Variants in DENND5A observed in about 807,000 individuals in gnomAD.
DENND5A encodes DENN domain-containing protein 5A.
DENND5A carries 64 observed loss-of-function variants against 140.3 expected under a neutral mutation model. That is an observed-to-expected ratio of 0.46 (90% CI 0.37 to 0.56). DENND5A has a LOEUF of 0.56. Among genes scored for constraint, DENND5A ranks in the 20% least tolerant of loss-of-function variants. DENND5A has a pLI of 0.00. For synonymous variants in DENND5A, 605 were observed against 607.7 expected, an observed-to-expected ratio of 1.00 and a Z score of 0.07; for missense variants, 1,292 against 1,593.8, an observed-to-expected ratio of 0.81 and a Z score of 3.22.
intron 1 of DENND5A, among the ~76,000 whole-genome samples, chr11:9,253,657 T>C (rs992270088): frequency 1.3e-5 from 2 of 151,724 alleles, no homozygotes; most frequent in Non-Finnish European, 2.9e-5. Context: ...AATCCCAGCA[T>C]TTTGGGAGGC....
At chr11:9,220,892 CA>C (rs1238489253) in intron 1 of DENND5A, among the ~76,000 whole-genome samples, 31 of 138,656 alleles carry the variant, frequency 2.2e-4, no homozygotes, top group Admixed American at 4.3e-4. Flanking sequence ...GACTCTGTCT[CA>C]AAAAAAAAAA....
At chr11:9,190,790 T>C (rs1054612460) in intron 5 of DENND5A, among the ~76,000 whole-genome samples, 2 of 152,172 alleles carry the variant, frequency 1.3e-5, no homozygotes, top group Non-Finnish European at 2.9e-5. Flanking sequence ...TTTAATTTTA[T>C]TGTTTATGCT....
rs539831522 is a variant in DENND5A at position 9,262,882 on chromosome 11, C to T, written c.109+2079G>A. On this transcript the variant is annotated intron_variant, in intron 1 of 22. Coordinates refer to ENST00000328194, the MANE Select transcript of DENND5A (RefSeq NM_015213.4). Reference sequence around the variant, plus strand: ...TCAGCCTCCTGAGTAGCTGGGACTACAGGCGCCCGCCACCACGCCCGGCTA... The same window carrying T: ...TCAGCCTCCTGAGTAGCTGGGACTATAGGCGCCCGCCACCACGCCCGGCTA... Among the ~76,000 whole-genome samples, 119 of 152,206 alleles carry T rather than the reference C, an allele frequency of 7.8e-4. 1 individual carries two copies. In the East Asian group the frequency reaches 0.014, roughly 18 times the overall value.
intron 10 of DENND5A, among the ~76,000 whole-genome samples, chr11:9,167,891 G>C (rs1191704289): frequency 6.6e-6 from 1 of 152,146 alleles, no homozygotes; most frequent in African/African-American, 2.4e-5. Context: ...CTTGTTTGAT[G>C]ATGACCCCAA....
In DENND5A at chr11:9,264,983, C is replaced by A; in HGVS notation, c.87G>T (p.Gly29=). 6.3e-7 allele frequency: 1 copy of A among 1,587,742 alleles called. No individual in the cohort carries two copies. Among genetic ancestry groups the A allele is most frequent in the South Asian group, 1.1e-5 (1 of 87,942 alleles). Residue 29 remains glycine (G), a synonymous_variant, in exon 1 of 23, where the codon GGG becomes GGT. Coordinates refer to ENST00000328194, the MANE Select transcript of DENND5A (RefSeq NM_015213.4). ...FVICGLDTET[G]LEPDELSALC... Reference sequence around the variant, plus strand: ...CACCCGACAGCTCGTCCGGCTCCAGCCCGGTCTCCGTGTCCAGTCCGCAGA... The same window carrying A: ...CACCCGACAGCTCGTCCGGCTCCAGACCGGTCTCCGTGTCCAGTCCGCAGA...
chr11:9,264,434 A>G (rs919596296), intron 1 of DENND5A, among the ~76,000 whole-genome samples: 1 of 151,992 alleles, frequency 6.6e-6, no homozygotes, highest in South Asian at 2.1e-4. Flanking sequence ...TCACTTTATT[A>G]CTTCATATCC....
In DENND5A at chr11:9,207,613, C is replaced by T; in HGVS notation, c.129G>A (p.Gln43=). 2 of 1,611,794 alleles carry T rather than the reference C, an allele frequency of 1.2e-6. No homozygotes were observed. Among genetic ancestry groups the T allele is most frequent in the Non-Finnish European group, 1.7e-6 (2 of 1,178,074 alleles). The change falls in exon 2 of 23, where the codon CAG becomes CAA. Residue 43 remains glutamine, a synonymous_variant. Transcript: ENST00000328194. ...DELSALCQYI[Q]ASKARDGASP... ...TGGCACCATCCCTGGCTTTAGAAGC[C>T]TGTATGTACTGGCATAATGCTATAT...
intron 1 of DENND5A, among the ~76,000 whole-genome samples, chr11:9,232,814 TA>T (rs1398390105): frequency 6.6e-6 from 1 of 152,244 alleles, no homozygotes; most frequent in Non-Finnish European, 1.5e-5. Flanking sequence ...AACTACAAAC[TA>T]CCCATGAGCC....
intron 4 of DENND5A, among the ~76,000 whole-genome samples, chr11:9,194,466 G>A (rs1008341485): frequency 2.4e-4 from 36 of 151,974 alleles, no homozygotes; most frequent in African/African-American, 8.2e-4. Flanking sequence ...CTACTTGGGA[G>A]GCTGAGACGT....
At chr11:9,253,877 A>G (rs1049770714) in intron 1 of DENND5A, among the ~76,000 whole-genome samples, 5 of 148,260 alleles carry the variant, frequency 3.4e-5, no homozygotes, top group Non-Finnish European at 7.4e-5. Context: ...AAAAAACAAC[A>G]ATGGGCGCAG....
intron 1 of DENND5A, among the ~76,000 whole-genome samples, chr11:9,230,348 C>T (rs192634786): frequency 6.7e-6 from 1 of 149,874 alleles, no homozygotes; most frequent in Admixed American, 6.7e-5. Flanking sequence ...TCAAGCGATC[C>T]ACCCACCTTA....
At chr11:9,234,323 A>C (rs1291317474) in intron 1 of DENND5A, among the ~76,000 whole-genome samples, 2 of 151,154 alleles carry the variant, frequency 1.3e-5, no homozygotes, top group East Asian at 1.9e-4. Context: ...TCCCCCCCCC[A>C]AAAAAATGAG....
intron 1 of DENND5A, among the ~76,000 whole-genome samples, chr11:9,229,899 CTTTTTTTTTTT>C (rs71062816): frequency 3.1e-5 from 2 of 64,904 alleles, no homozygotes; most frequent in Non-Finnish European, 5.3e-5. Flanking sequence ...GCTCCCATTT[CTTTTTTTTTTT>C]TTTTTTTTTT....
chr11:9,179,676 T>C (rs1848662080), intron 6 of DENND5A, among the ~76,000 whole-genome samples: 1 of 152,104 alleles, frequency 6.6e-6, no homozygotes, highest in Admixed American at 6.5e-5. Flanking sequence ...ATTTTGTATT[T>C]TCAGTAGAGA....
chr11:9,235,406 C>T (rs928328680), intron 1 of DENND5A, among the ~76,000 whole-genome samples: 7 of 152,256 alleles, frequency 4.6e-5, no homozygotes, highest in South Asian at 2.1e-4. Flanking sequence ...CGCCTGTAAT[C>T]CCAGCACTTT....
intron 16 of DENND5A, 95 bp from the exon 17 acceptor site, chr11:9,145,910 T>G (rs1847417033): frequency 7.5e-7 from 1 of 1,340,428 alleles, no homozygotes; most frequent in Non-Finnish European, 1.1e-6. Context: ...CTGGCACAAC[T>G]GTGGCTCCTG....
intron 5 of DENND5A, among the ~76,000 whole-genome samples, chr11:9,186,620 T>A (rs1848922310): frequency 6.6e-6 from 1 of 152,230 alleles, no homozygotes; most frequent in South Asian, 2.1e-4. Flanking sequence ...AAACTCCAAA[T>A]GCTGTGTCCA....
At chr11:9,176,376 C>T (rs563456907) in intron 8 of DENND5A, among the ~76,000 whole-genome samples, 8 of 152,204 alleles carry the variant, frequency 5.3e-5, no homozygotes, top group African/African-American at 1.4e-4. Context: ...TACAAAAATG[C>T]CTTAACAAGG....
At chr11:9,264,243 A>G (rs530150905) in intron 1 of DENND5A, among the ~76,000 whole-genome samples, 10 of 152,210 alleles carry the variant, frequency 6.6e-5, no homozygotes, top group African/African-American at 2.4e-4. Flanking sequence ...CCTTTCAAAT[A>G]TGACTTGAAA....
Sources: gnomAD v4.1 joint callset for allele counts (sites outside exome capture counted in the v4.1 genomes callset) on GRCh38, gnomAD v4.1.1 for gene constraint, MANE v1.5 for transcripts, NCBI Gene and HGNC (gene_info 2026-07-23, HGNC 2026-07-21) for gene names.